Variants in COL7A1 observed in about 807,000 individuals in gnomAD.
COL7A1 encodes collagen type VII alpha 1 chain, also known as collagen alpha-1(VII) chain.
A neutral mutation model predicts 456.2 loss-of-function variants in COL7A1; 296 were observed. The ratio of observed to expected loss-of-function variants is 0.65; its 90% CI spans 0.59 to 0.71. The LOEUF (loss-of-function observed/expected upper bound fraction) is 0.71, where lower values mean the gene tolerates loss of function less well. COL7A1 is among the 30% of genes least tolerant of loss of function. COL7A1 has a pLI of 0.00. For missense variants in COL7A1, 3,441 were observed against 4,017.2 expected, an observed-to-expected ratio of 0.86 and a Z score of 3.88; for synonymous variants, 1,464 against 1,525.9, an observed-to-expected ratio of 0.96 and a Z score of 0.95.
chr3:48,584,158 G>A (rs763013821), intron 37 of COL7A1, 97 bp from the exon 38 acceptor site: 1 of 1,602,732 alleles, frequency 6.2e-7, no homozygotes, highest in Non-Finnish European at 8.5e-7. Context: ...GGATTTCAAG[G>A]ATTTTGGGAG....
rs748736375 is a variant in COL7A1 at position 48,574,839 on chromosome 3, T to C, written c.6306A>G (p.Gly2102=). The change falls in exon 77 of 119, where the codon GGA becomes GGG. Residue 2102 remains glycine, a synonymous_variant. Transcript: ENST00000681320. This position sits in a 1 kb window ranked among gnomAD's most constrained non-coding sequence, Gnocchi z 5.0. ...PKVSVDEPGP[G]LSGEQGPPGL... is the part of the protein sequence containing the mutation. The stretch of plus-strand genomic sequence containing the variant: ...CAGGGGGTCCCTGTTCTCCAGAGAG[T>C]CCAGGACCTGGCTCATCCACAGACA... 1 of 1,613,578 alleles carries C rather than the reference T, an allele frequency of 6.2e-7. No individual in the cohort carries two copies. The highest frequency in any genetic ancestry group is 1.1e-5 in the South Asian group (1 of 91,042).
At position 48,587,265 on chromosome 3, in the gene COL7A1, C is replaced by T. The variant is rs562548943; in HGVS notation, c.3064G>A (p.Val1022Ile). ...GGCGTCAGGGAGAAGATGTAAGAGA[C>T]GCCAGGCTCTAGCCCTGTCACCCGC... ...SQRVTGLEPGVSYIFSLTPVL... is the reference protein window; with the variant it reads ...SQRVTGLEPGISYIFSLTPVL... The change falls in exon 24 of 119, where the codon GTC (valine) becomes ATC (isoleucine). Residue 1022 changes from valine to isoleucine, a missense_variant. Around this residue, in one of 3 missense-constraint regions of COL7A1, gnomAD observed 444 missense variants for 427.6 expected, o/e 1.04. Transcript: ENST00000681320. This position sits in a 1 kb window ranked among gnomAD's most constrained non-coding sequence, Gnocchi z 6.1. 4.3e-5 allele frequency: 69 copies of T among 1,611,762 alleles called. No individual in the cohort carries two copies. Among genetic ancestry groups the T allele is most frequent in the South Asian group, 2.4e-4 (22 of 90,692 alleles).
chr3:48,565,804 A>T lies in COL7A1; in HGVS notation c.8408-136T>A. 1.2e-6 allele frequency: 1 copy of T among 861,330 alleles called. No individual in the cohort carries two copies. The highest frequency in any genetic ancestry group is 1.9e-6 in the Non-Finnish European group (1 of 525,504). The allele number at this position is 861,330 out of a possible 1,614,324, so 53.4% of individuals were successfully genotyped here. ...AGGAGAGGGTAACAGGAGAGAGAGG[A>T]AGAGAGAGGGTGGGAGGTAGATAGA... On this transcript the variant is annotated intron_variant, in intron 114 of 118. Transcript: ENST00000681320. The surrounding 1 kb of genome is among the most constrained non-coding windows in gnomAD (Gnocchi z 4.5).
chr3:48,594,280 GC>G lies in COL7A1; in HGVS notation c.266+87del, dbSNP rs1239014653. ...CAAAACTTGTTTCTGCAAAGACCTG[GC>G]CTGGGGTTTCCAGGGTCTCCTCCCT... On this transcript the variant is annotated intron_variant, in intron 3 of 118. Transcript: ENST00000681320. The surrounding 1 kb of genome is among the most constrained non-coding windows in gnomAD (Gnocchi z 5.5). 12 of 1,502,688 alleles carry G rather than the reference GC, an allele frequency of 8.0e-6. No individual in the cohort carries two copies. The Admixed American group carries it at 2.0e-4, about 25-fold the overall frequency. 93.1% of individuals were successfully genotyped at this position (1,502,688 alleles called of 1,614,324 possible). A position where few individuals can be genotyped will look rare whatever the true frequency, so the allele number is the denominator to read the frequency against.
In COL7A1 at chr3:48,588,078, C is replaced by T; in HGVS notation, c.2711-139G>A. ...ATCTTCCTCATCCTCACTGACCCTG[C>T]CCACTTTACGGACCCTGCCAGACTG... On this transcript the variant is annotated intron_variant, in intron 21 of 118. Coordinates refer to ENST00000681320, the MANE Select transcript of COL7A1 (RefSeq NM_000094.4). The surrounding 1 kb of genome is among the most constrained non-coding windows in gnomAD (Gnocchi z 4.6). 7.5e-7 allele frequency: 1 copy of T among 1,324,954 alleles called. No homozygotes were observed. Among genetic ancestry groups the T allele is most frequent in the Non-Finnish European group, 1.0e-6 (1 of 964,110 alleles). The allele number at this position is 1,324,954 out of a possible 1,614,324, so 82.1% of individuals were successfully genotyped here.
At chr3:48,582,269 G>A (rs2044817133) in intron 47 of COL7A1, 54 bp downstream of exon 47, 2 of 1,613,078 alleles carry the variant, frequency 1.2e-6, no homozygotes, top group Non-Finnish European at 1.7e-6. Context: ...TCTATAGGAG[G>A]GTCACTGCTC....
In COL7A1 at chr3:48,576,709, T is replaced by C. The variant is rs987816580; in HGVS notation, c.5667A>G (p.Pro1889=). 3 of 1,609,464 alleles carry C rather than the reference T, an allele frequency of 1.9e-6. No homozygotes were observed. The highest frequency in any genetic ancestry group is 2.7e-5 in the African/African-American group (2 of 74,854). ...GAGGGCCCACTGGCCCTGGGAGGCC[T>C]GGAGGCCCCTGGGGTCCAAGGATAC... ...APGILGPQGP[P]GLPGPVGPPG... The change falls in exon 68 of 119, where the codon CCA becomes CCG. Residue 1889 remains proline, a synonymous_variant. Transcript: ENST00000681320.
rs748897806 is a variant in COL7A1, at chr3:48,581,587, C to G, written c.4768G>C (p.Asp1590His). The stretch of plus-strand genomic sequence containing the variant: ...CATTGATTCACCCGGTCTCCAGGGT[C>G]TCCCTTGGGGCCAGGGTCTCCAGGA... ...VLPGDPGPKGDPGDRGPIGLT... is the reference protein window; with the variant it reads ...VLPGDPGPKGHPGDRGPIGLT... The change falls in exon 50 of 119, where the codon GAC becomes CAC. Residue 1590 changes from aspartate (D) to histidine (H), a missense_variant. Around this residue, in one of 3 missense-constraint regions of COL7A1, gnomAD observed 2,084 missense variants for 2,501.3 expected, o/e 0.83. Coordinates refer to ENST00000681320, the MANE Select transcript of COL7A1 (RefSeq NM_000094.4). The surrounding 1 kb of genome is among the most constrained non-coding windows in gnomAD (Gnocchi z 5.8). 65 of 1,614,006 alleles carry G rather than the reference C, an allele frequency of 4.0e-5. No homozygotes were observed. Among genetic ancestry groups the G allele is most frequent in the Non-Finnish European group, 5.1e-5 (60 of 1,180,016 alleles).
rs985248445 is a variant in COL7A1 at position 48,588,471 on chromosome 3, C to T, written c.2588-67G>A. 4 of 1,595,210 alleles carry T rather than the reference C, an allele frequency of 2.5e-6. No individual in the cohort carries two copies. The highest frequency in any genetic ancestry group is 3.4e-6 in the Non-Finnish European group (4 of 1,176,046). ...GGCCCCTGCACCAATCCCAGGCCCACCCTGGCACACGCACCCCGCCCAGCC... is the reference window on the plus strand; with the variant it reads ...GGCCCCTGCACCAATCCCAGGCCCATCCTGGCACACGCACCCCGCCCAGCC... On this transcript the variant is annotated intron_variant, in intron 20 of 118. Coordinates refer to ENST00000681320, the MANE Select transcript of COL7A1 (RefSeq NM_000094.4). The surrounding 1 kb of genome is among the most constrained non-coding windows in gnomAD (Gnocchi z 4.6).
In COL7A1 at chr3:48,572,788, T is replaced by C. The variant is rs768006932; in HGVS notation, c.6832-49A>G. ...CTCAGTGCCTCTCCACCACCACCCC[T>C]GCTGCCCCACTCCTCATATTTCAGG... On this transcript the variant is annotated intron_variant, in intron 87 of 118. Coordinates refer to ENST00000681320, the MANE Select transcript of COL7A1 (RefSeq NM_000094.4). This position sits in a 1 kb window ranked among gnomAD's most constrained non-coding sequence, Gnocchi z 4.6. 1 of 1,612,282 alleles carries C rather than the reference T, an allele frequency of 6.2e-7. No homozygotes were observed. Among genetic ancestry groups the C allele is most frequent in the Admixed American group, 1.7e-5 (1 of 59,812 alleles).
chr3:48,569,286 T>C lies in COL7A1; in HGVS notation c.7686+89A>G. ...TCCCCCTAAACCCCAGAAAGCCTCC[T>C]CCTGTCCTCCCCTCCTGCCCTCACA... is the stretch of plus-strand genomic sequence containing the variant. On this transcript the variant is annotated intron_variant, in intron 103 of 118. Transcript: ENST00000681320. The surrounding 1 kb of genome is among the most constrained non-coding windows in gnomAD (Gnocchi z 4.9). 1 of 1,510,212 alleles carries C rather than the reference T, an allele frequency of 6.6e-7. No homozygotes were observed. Among genetic ancestry groups the C allele is most frequent in the Non-Finnish European group, 9.2e-7 (1 of 1,086,072 alleles). 93.6% of individuals were successfully genotyped at this position (1,510,212 alleles called of 1,614,324 possible).
In COL7A1 at chr3:48,592,609, T is replaced by G. The variant is rs1471560468; in HGVS notation, c.937A>C (p.Asn313His). 3.7e-6 allele frequency: 6 copies of G among 1,614,004 alleles called. No individual in the cohort carries two copies. The highest frequency in any genetic ancestry group is 5.1e-6 in the Non-Finnish European group (6 of 1,180,020). The change falls in exon 8 of 119, where the codon AAC becomes CAC. Residue 313 changes from asparagine (N) to histidine (H), a missense_variant. This residue lies in a region of COL7A1 where 913 missense variants were observed against 1,088.2 expected (regional missense o/e 0.84). Coordinates refer to ENST00000681320, the MANE Select transcript of COL7A1 (RefSeq NM_000094.4). The surrounding 1 kb of genome is among the most constrained non-coding windows in gnomAD (Gnocchi z 7.6). ...CCGCTCACAGCCTCCCCGATGCTGT[T>G]GGCGTAGAGGGCAATCACAGTCACT... ...YQVTVIALYA[N>H]SIGEAVSGTA...
Position 48,564,605 on chromosome 3 carries a change from C to T in COL7A1, c.8818+178G>A. On this transcript the variant is annotated intron_variant, in intron 118 of 118. Transcript: ENST00000681320. The surrounding 1 kb of genome is among the most constrained non-coding windows in gnomAD (Gnocchi z 6.0). ...TGGAAGGGGACCCTACTGGGGGCTC[C>T]ACGGCTGGGGCTCTATATTCAGCTC... 1 of 1,023,714 alleles carries T rather than the reference C, an allele frequency of 9.8e-7. No homozygotes were observed. The highest frequency in any genetic ancestry group is 1.5e-6 in the Non-Finnish European group (1 of 686,172). 63.4% of individuals were successfully genotyped at this position (1,023,714 alleles called of 1,614,324 possible).
intron 71 of COL7A1, 113 bp downstream of exon 71, chr3:48,576,136 C>T: frequency 6.5e-7 from 1 of 1,534,464 alleles, no homozygotes; most frequent in South Asian, 1.1e-5. Context: ...GGGCAGGGCA[C>T]TGAACACACA....
rs2044780635 is a variant in COL7A1, at chr3:48,581,818, G to GCAAGCCCTGTGACCCCC, written c.4669-60_4669-59insGGGGGTCACAGGGCTTG. 1 of 1,613,344 alleles carries GCAAGCCCTGTGACCCCC rather than the reference G, an allele frequency of 6.2e-7. No homozygotes were observed. Among genetic ancestry groups the GCAAGCCCTGTGACCCCC allele is most frequent in the African/African-American group, 1.3e-5 (1 of 75,024 alleles). On this transcript the variant is annotated intron_variant, in intron 48 of 118. Coordinates refer to ENST00000681320, the MANE Select transcript of COL7A1 (RefSeq NM_000094.4). The surrounding 1 kb of genome is among the most constrained non-coding windows in gnomAD (Gnocchi z 5.8). ...AGGCTCCAGTTAACCCCCTGACCCA[G>GCAAGCCCTGTGACCCCC]CAAGTCCTGTGACCCCCCAAGTCCC...
Position 48,580,053 on chromosome 3 carries a change from G to T in COL7A1, c.5102C>A (p.Pro1701His). Reference sequence around the variant, plus strand: ...TACCAGCCGTCCCGGGGGTCCTGGGGGACCCTGGGAAAGGAAATGATTATA... The same window carrying T: ...TACCAGCCGTCCCGGGGGTCCTGGGTGACCCTGGGAAAGGAAATGATTATA... Reference protein sequence around the residue: ...GPKGDRGEPGPPGPPGRLVDT... With the variant: ...GPKGDRGEPGHPGPPGRLVDT... The change falls in exon 57 of 119, where the codon CCC becomes CAC. Residue 1701 changes from proline (P) to histidine (H), a missense_variant. This residue lies in a region of COL7A1 where 2,084 missense variants were observed against 2,501.3 expected (regional missense o/e 0.83). Coordinates refer to ENST00000681320, the MANE Select transcript of COL7A1 (RefSeq NM_000094.4). The surrounding 1 kb of genome is among the most constrained non-coding windows in gnomAD (Gnocchi z 4.5). The T allele has an allele frequency of 2.5e-6, 4 of 1,613,934 alleles. No individual in the cohort carries two copies. Among genetic ancestry groups the T allele is most frequent in the Non-Finnish European group, 3.4e-6 (4 of 1,179,938 alleles).
At position 48,573,612 on chromosome 3, in the gene COL7A1, G is replaced by C. The variant is rs2044081915; in HGVS notation, c.6574-55C>G. The stretch of plus-strand genomic sequence containing the variant: ...GGGCTCAGGGATTAACACAGAGAAG[G>C]CCTGGCTCATCAGCTGTGGCCAATG... On this transcript the variant is annotated intron_variant, in intron 82 of 118. Coordinates refer to ENST00000681320, the MANE Select transcript of COL7A1 (RefSeq NM_000094.4). This position sits in a 1 kb window ranked among gnomAD's most constrained non-coding sequence, Gnocchi z 5.5. 1 of 1,613,378 alleles carries C rather than the reference G, an allele frequency of 6.2e-7. No homozygotes were observed. The highest frequency in any genetic ancestry group is 8.5e-7 in the Non-Finnish European group (1 of 1,179,600).
chr3:48,570,738 A>C lies in COL7A1; in HGVS notation c.7273-28T>G. On this transcript the variant is annotated intron_variant, in intron 95 of 118. Transcript: ENST00000681320. This position sits in a 1 kb window ranked among gnomAD's most constrained non-coding sequence, Gnocchi z 5.5. The stretch of plus-strand genomic sequence containing the variant: ...ACCAGAAAAATGGGGCAAGAGAGGC[A>C]GAGAGTGACTTGGGAACCCTCCTAC... 3.2e-6 allele frequency: 5 copies of C among 1,564,146 alleles called. No homozygotes were observed. In the South Asian group the frequency reaches 5.8e-5, roughly 18 times the overall value.
intron 65 of COL7A1, 85 bp from the exon 66 acceptor site, chr3:48,577,112 G>T: frequency 1.3e-6 from 2 of 1,561,870 alleles, no homozygotes; most frequent in South Asian, 2.2e-5. Flanking sequence ...AGATGACTGT[G>T]ACTGTATTTC....
Sources: allele counts gnomAD v4.1 joint callset, GRCh38; gene constraint gnomAD v4.1.1; regional missense constraint gnomAD v4.1.1; non-coding constraint Gnocchi (gnomAD v3.1); transcripts MANE v1.5; gene names NCBI Gene and HGNC (gene_info 2026-07-23, HGNC 2026-07-21).